DARS1: variants seen among roughly 807,000 people sequenced by gnomAD.
The protein encoded by DARS1 is aspartate--tRNA ligase, cytoplasmic.
Under a neutral mutation model 68.8 loss-of-function variants are expected in DARS1, and 51 were observed. The ratio of observed to expected loss-of-function variants is 0.74; its 90% CI spans 0.59 to 0.94. DARS1 has a LOEUF of 0.94. DARS1 is among the 40% of genes least tolerant of loss of function. The pLI is 0.00. For missense variants in DARS1, 607 were observed against 597.3 expected (o/e 1.02, Z -0.17); for synonymous variants, 203 against 190.4 (o/e 1.07, Z -0.55).
chr2:135,983,284 G>C, intron 2 of DARS1, 113 bp downstream of exon 2: 1 of 670,742 alleles, frequency 1.5e-6, no homozygotes, highest in Admixed American at 2.9e-5. Context: ...TGTCATTTAA[G>C]CTTTTCAGAA....
intron 3 of DARS1, among the ~76,000 whole-genome samples, chr2:135,968,579 A>G (rs927909553): frequency 1.3e-5 from 2 of 151,344 alleles, no homozygotes; most frequent in African/African-American, 4.9e-5. Context: ...GTGATAATCC[A>G]TTCAAGGGGG....
In DARS1 at chr2:135,906,677, T is replaced by C. The variant is rs1261219850; in HGVS notation, c.*639A>G. On this transcript the variant is annotated 3_prime_UTR_variant, in exon 16 of 16. Transcript: ENST00000264161. ...GTTGGCCACAAAGTTACACAAAAAC[T>C]ACAATTAGCTTTAAAATTTTATTGA... 1 of 152,214 alleles carries C rather than the reference T, an allele frequency of 6.6e-6. No homozygotes were observed. Among genetic ancestry groups the C allele is most frequent in the Non-Finnish European group, 1.5e-5 (1 of 68,020 alleles). The allele number at this position is 152,214 out of a possible 1,614,324, so 9.4% of individuals were successfully genotyped here. A position where few individuals can be genotyped will look rare whatever the true frequency, so the allele number is the denominator to read the frequency against.
intron 3 of DARS1, among the ~76,000 whole-genome samples, chr2:135,963,735 A>T (rs1682151078): frequency 1.3e-5 from 2 of 149,020 alleles, no homozygotes; most frequent in South Asian, 4.2e-4. Flanking sequence ...GCTGGAATGC[A>T]ATGGCATAAT....
rs372564927 is a variant in DARS1 at position 135,929,103 on chromosome 2, T to C, written c.564+3680A>G. On this transcript the variant is annotated intron_variant, in intron 7 of 15. Transcript: ENST00000264161. Reference sequence around the variant, plus strand: ...AACGCTAGCAGATCAAGTATGTATGTCCTATGGAGGGACCCTGTGATACAT... The same window carrying C: ...AACGCTAGCAGATCAAGTATGTATGCCCTATGGAGGGACCCTGTGATACAT... Among the ~76,000 whole-genome samples, 42 of 152,306 alleles carry C rather than the reference T, an allele frequency of 2.8e-4. No homozygotes were observed. The East Asian group carries it at 6.0e-3, about 22-fold the overall frequency.
intron 10 of DARS1, among the ~76,000 whole-genome samples, chr2:135,917,167 G>C (rs1004616595): frequency 3.3e-5 from 5 of 151,728 alleles, no homozygotes; most frequent in African/African-American, 4.9e-5. Flanking sequence ...TCAAAAAAAA[G>C]AAAAAGAAAA....
intron 15 of DARS1, among the ~76,000 whole-genome samples, chr2:135,909,936 G>C (rs994742312): frequency 6.6e-6 from 1 of 152,028 alleles, no homozygotes; most frequent in Non-Finnish European, 1.5e-5. Context: ...TCTAGATTTG[G>C]CATGTTCAAC....
intron 12 of DARS1, among the ~76,000 whole-genome samples, chr2:135,912,925 A>C (rs1231087907): frequency 6.6e-6 from 1 of 151,316 alleles, no homozygotes; most frequent in Non-Finnish European, 1.5e-5. Context: ...GAATCTCGCT[A>C]TGTTTGCCCA....
rs754804315 is a variant in DARS1, at chr2:135,933,897, G to A, written c.504+13C>T. The A allele has an allele frequency of 2.5e-6, 4 of 1,610,384 alleles. No homozygotes were observed. The highest frequency in any genetic ancestry group is 1.7e-5 in the Admixed American group (1 of 59,550). The stretch of plus-strand genomic sequence containing the variant: ...ACAGCGGAAGCATAATATTTCATAA[G>A]TATAATTTTTACCTCTTCTCCTTCT... On this transcript the variant is annotated intron_variant, in intron 6 of 15. Coordinates refer to ENST00000264161, the MANE Select transcript of DARS1 (RefSeq NM_001349.4).
Position 135,907,238 on chromosome 2 carries a change from C to CTTTGTTTTTTTTTTTTTTTTTTTT in DARS1, c.*77_*78insAAAAAAAAAAAAAAAAAAAACAAA. On this transcript the variant is annotated 3_prime_UTR_variant, in exon 16 of 16. Transcript: ENST00000264161. ...AGGTTACTGAAAAGAATAAGTGTGG[C>CTTTGTTTTTTTTTTTTTTTTTTTT]TTTCTTTTTTTTTTTTTTTTTTTGA... The CTTTGTTTTTTTTTTTTTTTTTTTT allele has an allele frequency of 1.4e-6, 1 of 724,940 alleles. No individual in the cohort carries two copies. Among genetic ancestry groups the CTTTGTTTTTTTTTTTTTTTTTTTT allele is most frequent in the African/African-American group, 2.6e-5 (1 of 39,188 alleles). 44.9% of individuals were successfully genotyped at this position (724,940 alleles called of 1,614,324 possible).
chr2:135,937,803 A>C (rs893707203), intron 5 of DARS1, among the ~76,000 whole-genome samples: 1 of 152,250 alleles, frequency 6.6e-6, no homozygotes, highest in Non-Finnish European at 1.5e-5. Context: ...TTCTTTAAGA[A>C]TGATGAATAT....
intron 7 of DARS1, among the ~76,000 whole-genome samples, chr2:135,932,159 CA>C (rs775589070): frequency 6.6e-6 from 1 of 152,006 alleles, no homozygotes; most frequent in Non-Finnish European, 1.5e-5. Context: ...CTTAAGGTGA[CA>C]AAAAATTTGA....
chr2:135,922,795 G>C lies in DARS1; in HGVS notation c.800C>G (p.Ser267Cys). 1 of 1,567,296 alleles carries C rather than the reference G, an allele frequency of 6.4e-7. No individual in the cohort carries two copies. The highest frequency in any genetic ancestry group is 8.6e-7 in the Non-Finnish European group (1 of 1,160,870). The change falls in exon 9 of 16, where the codon TCT (serine) becomes TGT (cysteine). Residue 267 changes from serine to cysteine, a missense_variant. Ser to Cys is a moderately radical substitution (Grantham distance 112). Transcript: ENST00000264161. Reference protein sequence around the residue: ...CICADFEKVFSIGPVFRAEDS... With the variant: ...CICADFEKVFCIGPVFRAEDS... ...TGCCAAAATCTTACCTGGTCCAATA[G>C]AGAAAACCTTCTCAAAATCAGCACA...
At chr2:135,909,384 G>A (rs1680851783) in intron 15 of DARS1, among the ~76,000 whole-genome samples, 1 of 152,144 alleles carries the variant, frequency 6.6e-6, no homozygotes, top group Non-Finnish European at 1.5e-5. Context: ...GACAAAAATT[G>A]TATGTATTTA....
intron 4 of DARS1, among the ~76,000 whole-genome samples, chr2:135,951,484 G>C (rs1261426410): frequency 6.6e-6 from 1 of 152,180 alleles, no homozygotes; most frequent in African/African-American, 2.4e-5. Flanking sequence ...CCATTCACTA[G>C]CAAACCCTGT....
chr2:135,922,819 C>G lies in DARS1; in HGVS notation c.776G>C (p.Cys259Ser). The change falls in exon 9 of 16, where the codon TGT becomes TCT. Residue 259 changes from cysteine to serine, a missense_variant. Transcript: ENST00000264161. ...SPQLYKQMCI[C>S]ADFEKVFSIG... ...AGAGAAAACCTTCTCAAAATCAGCA[C>G]AAATGCACATTTGCTTATATAGCTG... 6.3e-7 allele frequency: 1 copy of G among 1,585,528 alleles called. No individual in the cohort carries two copies. Among genetic ancestry groups the G allele is most frequent in the Non-Finnish European group, 8.6e-7 (1 of 1,168,436 alleles).
chr2:135,939,141 G>T (rs1303936115), intron 5 of DARS1, among the ~76,000 whole-genome samples: 1 of 152,158 alleles, frequency 6.6e-6, no homozygotes, highest in African/African-American at 2.4e-5. Flanking sequence ...ATTGAACTCA[G>T]CTCTGCACCA....
intron 4 of DARS1, among the ~76,000 whole-genome samples, chr2:135,955,094 T>C (rs191810337): frequency 6.6e-6 from 1 of 150,812 alleles, no homozygotes; most frequent in Admixed American, 6.6e-5. Flanking sequence ...TATTTTTGGG[T>C]AGTCATCGGC....
intron 4 of DARS1, among the ~76,000 whole-genome samples, chr2:135,953,067 A>G (rs796262670): frequency 6.6e-6 from 1 of 152,174 alleles, no homozygotes; most frequent in Admixed American, 6.5e-5. Flanking sequence ...TTTTCTCCAT[A>G]AACACTGTGG....
chr2:135,944,900 A>C (rs1011590351), intron 4 of DARS1, among the ~76,000 whole-genome samples: 15 of 152,248 alleles, frequency 9.9e-5, no homozygotes, highest in African/African-American at 3.4e-4. Context: ...TGCTTATCTC[A>C]CACATCTTCA....
Sources: allele counts gnomAD v4.1 joint callset (sites outside exome capture counted in the v4.1 genomes callset), GRCh38; gene constraint gnomAD v4.1.1; transcripts MANE v1.5; gene names NCBI Gene and HGNC (gene_info 2026-07-23, HGNC 2026-07-21).